Variants in LPP observed in about 807,000 individuals in gnomAD.
LPP encodes the protein LIM domain containing preferred translocation partner in lipoma, also known as lipoma-preferred partner.
LPP carries 38 observed loss-of-function variants against 60.4 expected under a neutral mutation model. The ratio of observed to expected loss-of-function variants is 0.63; its 90% CI spans 0.49 to 0.83. The LOEUF (loss-of-function observed/expected upper bound fraction) is 0.83, where lower values mean the gene tolerates loss of function less well. Ranked by LOEUF, LPP falls within the 40% of genes least tolerant of loss-of-function variation. The pLI is 0.00. For missense variants in LPP, 902 were observed against 783.6 expected, an observed-to-expected ratio of 1.15 and a Z score of -1.80; for synonymous variants, 328 against 290.8, an observed-to-expected ratio of 1.13 and a Z score of -1.30.
chr3:188,358,582 G>A (rs1036518087), intron 3 of LPP, among the ~76,000 whole-genome samples: 2 of 152,212 alleles, frequency 1.3e-5, no homozygotes, highest in Non-Finnish European at 2.9e-5. Flanking sequence ...TAGAATTATA[G>A]TAAAGGGAGA....
intron 5 of LPP, among the ~76,000 whole-genome samples, chr3:188,486,389 A>G (rs1806525563): frequency 6.6e-6 from 1 of 152,178 alleles, no homozygotes; most frequent in African/African-American, 2.4e-5. Flanking sequence ...AGTTAGTGGG[A>G]CTAGTGGAAA....
intron 9 of LPP, among the ~76,000 whole-genome samples, chr3:188,862,769 A>AAG (rs140796448): frequency 0.029 from 4,283 of 146,724 alleles, 226 homozygotes; most frequent in African/African-American, 0.1. Context: ...AAGAAAAAGA[A>AAG]AGAGAGAGAG....
At chr3:188,231,556 A>G (rs1210578509) in intron 2 of LPP, among the ~76,000 whole-genome samples, 1 of 151,976 alleles carries the variant, frequency 6.6e-6, no homozygotes, top group Non-Finnish European at 1.5e-5. Flanking sequence ...TTTTTGGTAG[A>G]AATGTCGAAA....
intron 1 of LPP, among the ~76,000 whole-genome samples, chr3:188,221,805 G>T (rs1290503497): frequency 6.6e-6 from 1 of 152,168 alleles, no homozygotes; most frequent in East Asian, 1.9e-4. Flanking sequence ...TGAAATGTAG[G>T]CTTTGTTTTT....
At chr3:188,682,368 C>T (rs1171524328) in intron 7 of LPP, among the ~76,000 whole-genome samples, 1 of 152,218 alleles carries the variant, frequency 6.6e-6, no homozygotes, top group African/African-American at 2.4e-5. Flanking sequence ...TCTTTTCCAT[C>T]TCTTGCGTTT....
At chr3:188,743,152 T>C (rs1337434292) in intron 8 of LPP, among the ~76,000 whole-genome samples, 4 of 152,154 alleles carry the variant, frequency 2.6e-5, no homozygotes, top group African/African-American at 9.7e-5. Context: ...GGAAATATCT[T>C]TATAGAACTT....
intron 7 of LPP, among the ~76,000 whole-genome samples, chr3:188,618,898 T>C (rs1411207701): frequency 1.3e-5 from 2 of 152,228 alleles, no homozygotes; most frequent in South Asian, 2.1e-4. Context: ...GTTTTATTTA[T>C]GGATTTATCA....
intron 2 of LPP, among the ~76,000 whole-genome samples, chr3:188,265,319 C>T (rs1428362022): frequency 6.6e-6 from 1 of 152,178 alleles, no homozygotes; most frequent in African/African-American, 2.4e-5. Context: ...GGAGGCATCA[C>T]AGTGGCTGGC....
intron 7 of LPP, among the ~76,000 whole-genome samples, chr3:188,677,331 T>C (rs1858356828): frequency 6.6e-6 from 1 of 152,220 alleles, no homozygotes; most frequent in Admixed American, 6.5e-5. Flanking sequence ...ACATAATAGT[T>C]ACTAAGTGAA....
intron 9 of LPP, among the ~76,000 whole-genome samples, chr3:188,815,007 G>A (rs1752078526): frequency 6.6e-6 from 1 of 152,178 alleles, no homozygotes; most frequent in Non-Finnish European, 1.5e-5. Context: ...ATGATTAAAT[G>A]AGAAAACACG....
chr3:188,623,533 CA>C (rs1385826747), intron 7 of LPP, among the ~76,000 whole-genome samples: 1 of 152,242 alleles, frequency 6.6e-6, no homozygotes, highest in Non-Finnish European at 1.5e-5. Context: ...CCTGGGATTA[CA>C]GGCATGAGCC....
chr3:188,449,838 TCTGTCA>T (rs1796183771), intron 4 of LPP, among the ~76,000 whole-genome samples: 2 of 152,204 alleles, frequency 1.3e-5, no homozygotes, highest in Admixed American at 1.3e-4. Flanking sequence ...AGAGTCTCGT[TCTGTCA>T]CCCAGGCTGG....
chr3:188,520,471 G>A (rs749256908), intron 5 of LPP, among the ~76,000 whole-genome samples: 17 of 152,174 alleles, frequency 1.1e-4, no homozygotes, highest in Non-Finnish European at 1.2e-4. Context: ...CAGTATAGGG[G>A]AAAATGCCCC....
chr3:188,310,628 C>A (rs1346271770), intron 2 of LPP, among the ~76,000 whole-genome samples: 1 of 152,124 alleles, frequency 6.6e-6, no homozygotes, highest in African/African-American at 2.4e-5. Context: ...TTATAGATGG[C>A]CTCCACTGTG....
At chr3:188,625,584 A>C (rs1051103395) in intron 7 of LPP, among the ~76,000 whole-genome samples, 1 of 152,142 alleles carries the variant, frequency 6.6e-6, no homozygotes, top group African/African-American at 2.4e-5. Context: ...TAGATCATTG[A>C]ATCTTTGTCC....
chr3:188,538,423 A>C (rs934449084), intron 6 of LPP, among the ~76,000 whole-genome samples: 1 of 152,260 alleles, frequency 6.6e-6, no homozygotes, highest in Non-Finnish European at 1.5e-5. Flanking sequence ...ACAAGTGGAT[A>C]ATATGCCTAG....
chr3:188,211,572 A>G (rs1219761850), intron 1 of LPP, among the ~76,000 whole-genome samples: 2 of 151,898 alleles, frequency 1.3e-5, no homozygotes. Context: ...TTTAGATCAG[A>G]TTCATTCCTG....
intron 8 of LPP, among the ~76,000 whole-genome samples, chr3:188,713,544 T>C (rs1262302682): frequency 3.3e-5 from 5 of 152,206 alleles, no homozygotes; most frequent in Admixed American, 3.3e-4. Context: ...TTTGTTGCAG[T>C]ATAAGGTGAG....
intron 6 of LPP, among the ~76,000 whole-genome samples, chr3:188,592,148 A>G (rs1415347109): frequency 1.3e-5 from 2 of 152,204 alleles, no homozygotes; most frequent in African/African-American, 4.8e-5. Flanking sequence ...AATATGTATG[A>G]TAAATAGGAA....
Sources: gnomAD v4.1 joint callset for allele counts (sites outside exome capture counted in the v4.1 genomes callset) on GRCh38, gnomAD v4.1.1 for gene constraint, MANE v1.5 for transcripts, NCBI Gene and HGNC (gene_info 2026-07-23, HGNC 2026-07-21) for gene names.